The following DLGAP4 variants were observed in gnomAD, a reference collection of about 807,000 sequenced individuals.
DLGAP4 encodes the protein DLG associated protein 4.
Under a neutral mutation model 86.9 loss-of-function variants are expected in DLGAP4, and 18 were observed. The ratio of observed to expected loss-of-function variants is 0.21; its 90% CI spans 0.14 to 0.31. DLGAP4 has a LOEUF of 0.31. Ranked by LOEUF, DLGAP4 falls within the 10% of genes least tolerant of loss-of-function variation. The pLI, the probability that DLGAP4 is intolerant of heterozygous loss-of-function variation, is 1.00. For synonymous variants in DLGAP4, 548 were observed against 574.3 expected (o/e 0.95, Z 0.65); for missense variants, 1,085 against 1,362.6 (o/e 0.80, Z 3.21).
intron 4 of DLGAP4, among the ~76,000 whole-genome samples, chr20:36,438,381 T>A (rs6066690): frequency 0.27 from 8,947 of 32,662 alleles, 400 homozygotes; most frequent in Middle Eastern, 0.35. Context: ...CAAAAAAAAA[T>A]ATATATATAT....
chr20:36,391,779 G>T (rs1952129234), intron 2 of DLGAP4, among the ~76,000 whole-genome samples: 1 of 152,170 alleles, frequency 6.6e-6, no homozygotes, highest in South Asian at 2.1e-4. Context: ...TCTGGGCCTG[G>T]CAGAGGAGCT....
chr20:36,444,757 C>T (rs1227021396), intron 6 of DLGAP4, among the ~76,000 whole-genome samples: 1 of 152,050 alleles, frequency 6.6e-6, no homozygotes, highest in Non-Finnish European at 1.5e-5. Flanking sequence ...TCTCCTGCTT[C>T]AGCCTCCCAA....
intron 12 of DLGAP4, among the ~76,000 whole-genome samples, chr20:36,526,530 G>A (rs1157688139): frequency 1.3e-5 from 2 of 151,948 alleles, no homozygotes; most frequent in South Asian, 2.1e-4. Context: ...CCCGAGTCTC[G>A]GGCTCCCGGT....
chr20:36,451,412 G>A (rs973346364), intron 7 of DLGAP4, among the ~76,000 whole-genome samples: 1 of 152,072 alleles, frequency 6.6e-6, no homozygotes, highest in Non-Finnish European at 1.5e-5. Context: ...GTGCAGTGGC[G>A]CGATCTCAGC....
intron 7 of DLGAP4, among the ~76,000 whole-genome samples, chr20:36,494,755 CT>C (rs2035808009): frequency 6.6e-6 from 1 of 152,148 alleles, no homozygotes; most frequent in South Asian, 2.1e-4. Context: ...TTGCCCTCCC[CT>C]TCACCCTCTC....
chr20:36,478,710 G>C (rs1158773656), intron 7 of DLGAP4, among the ~76,000 whole-genome samples: 1 of 152,200 alleles, frequency 6.6e-6, no homozygotes, highest in Non-Finnish European at 1.5e-5. Context: ...CTACTTGTGA[G>C]GCTGGATCCT....
chr20:36,405,666 G>T (rs1366105451), intron 2 of DLGAP4, among the ~76,000 whole-genome samples: 1 of 152,122 alleles, frequency 6.6e-6, no homozygotes, highest in Non-Finnish European at 1.5e-5. Flanking sequence ...CAACCATCCA[G>T]AGAACATGGG....
At chr20:36,317,673 T>G (rs953572181) in intron 1 of DLGAP4, among the ~76,000 whole-genome samples, 2 of 151,192 alleles carry the variant, frequency 1.3e-5, no homozygotes, top group Non-Finnish European at 2.9e-5. Context: ...CCCAGGCTGG[T>G]CTTGAACTCT....
Position 36,528,236 on chromosome 20 carries a change from A to C in DLGAP4, c.*1205A>C. On this transcript the variant is annotated 3_prime_UTR_variant, in exon 13 of 13. Transcript: ENST00000339266. Reference sequence around the variant, plus strand: ...TCTGTTCTATTTTTTTTTTAACCCCAATTATCCTTCTCTCTCTCCTGCCCC... The same window carrying C: ...TCTGTTCTATTTTTTTTTTAACCCCCATTATCCTTCTCTCTCTCCTGCCCC... The C allele has an allele frequency of 1.4e-5, 2 of 143,782 alleles. No homozygotes were observed. The allele number at this position is 143,782 out of a possible 1,614,324, so 8.9% of individuals were successfully genotyped here.
At chr20:36,401,621 G>A (rs1305608264) in intron 2 of DLGAP4, among the ~76,000 whole-genome samples, 3 of 152,220 alleles carry the variant, frequency 2.0e-5, no homozygotes, top group Non-Finnish European at 4.4e-5. Context: ...TGCCAGCATC[G>A]TGGTTAGCGT....
At chr20:36,513,319 C>T (rs569776531) in intron 10 of DLGAP4, among the ~76,000 whole-genome samples, 6 of 151,176 alleles carry the variant, frequency 4.0e-5, no homozygotes, top group Non-Finnish European at 5.9e-5. Context: ...GAGGCCGAGG[C>T]GGGTGGATCA....
chr20:36,376,124 G>A (rs999588332), intron 2 of DLGAP4, among the ~76,000 whole-genome samples: 7 of 150,834 alleles, frequency 4.6e-5, no homozygotes, highest in Admixed American at 6.6e-5. Context: ...TTGGCCTCCC[G>A]AAGTGCTGGG....
chr20:36,489,853 TTC>T (rs2035582210), intron 7 of DLGAP4, among the ~76,000 whole-genome samples: 2 of 147,452 alleles, frequency 1.4e-5, no homozygotes, highest in Non-Finnish European at 3.0e-5. Flanking sequence ...TTGCTAATTC[TTC>T]TTTTTTTTTT....
intron 7 of DLGAP4, chr20:36,461,505 A>G (rs2147615092): frequency 1.0e-6 from 1 of 982,666 alleles, no homozygotes; most frequent in South Asian, 4.5e-5. Context: ...TGCGTGAGGG[A>G]GGAGGGTGAG....
chr20:36,497,651 G>A (rs1451071103), intron 8 of DLGAP4: 24 of 984,964 alleles, frequency 2.4e-5, no homozygotes, highest in African/African-American at 5.2e-5. Context: ...GGGTGATGCC[G>A]GTCTCACTGC....
At chr20:36,313,019 T>G (rs2065066712) in intron 1 of DLGAP4, among the ~76,000 whole-genome samples, 1 of 152,132 alleles carries the variant, frequency 6.6e-6, no homozygotes, top group South Asian at 2.1e-4. Flanking sequence ...CTTTCCCGGC[T>G]TAGCCTTCTG....
chr20:36,520,551 T>A (rs981677322), intron 10 of DLGAP4, among the ~76,000 whole-genome samples: 1 of 152,140 alleles, frequency 6.6e-6, no homozygotes, highest in Non-Finnish European at 1.5e-5. Flanking sequence ...TTCACCATGT[T>A]GGGCAGACTG....
At chr20:36,489,693 G>C (rs1600638422) in intron 7 of DLGAP4, among the ~76,000 whole-genome samples, 1 of 152,026 alleles carries the variant, frequency 6.6e-6, no homozygotes, top group East Asian at 1.9e-4. Context: ...TAGTCTCAGG[G>C]AGGCTGGCTC....
chr20:36,499,350 T>TACCCCCCCCCCCC, intron 8 of DLGAP4: 2 of 1,544,996 alleles, frequency 1.3e-6, no homozygotes, highest in Non-Finnish European at 1.8e-6. Context: ...CTCCACCCCA[T>TACCCCCCCCCCCC]CCCACCTCCC....
Sources: allele counts gnomAD v4.1 joint callset (sites outside exome capture counted in the v4.1 genomes callset), GRCh38; gene constraint gnomAD v4.1.1; transcripts MANE v1.5; gene names NCBI Gene and HGNC (gene_info 2026-07-23, HGNC 2026-07-21).